SRRM4: variants seen among roughly 807,000 people sequenced by gnomAD.
SRRM4 encodes the protein serine/arginine repetitive matrix 4, also known as serine/arginine repetitive matrix protein 4.
In SRRM4, 33 loss-of-function variants were observed where a neutral mutation model predicts 68.9. The ratio of observed to expected loss-of-function variants is 0.48; its 90% CI spans 0.36 to 0.64. SRRM4 has a LOEUF of 0.64. SRRM4 is among the 30% of genes least tolerant of loss of function. The pLI is 0.00. For missense variants in SRRM4, 817 were observed against 827.1 expected, an observed-to-expected ratio of 0.99 and a Z score of 0.15; for synonymous variants, 318 against 318.8, an observed-to-expected ratio of 1.00 and a Z score of 0.03.
intron 6 of SRRM4, 63 bp downstream of exon 6, chr12:119,122,183 A>AG: frequency 6.9e-6 from 8 of 1,161,046 alleles, no homozygotes; most frequent in Non-Finnish European, 9.1e-6. Context: ...TGGCTTCTTA[A>AG]AAGCCAGAGT....
At chr12:119,124,905 T>C (rs926931479) in intron 6 of SRRM4, among the ~76,000 whole-genome samples, 1 of 152,088 alleles carries the variant, frequency 6.6e-6, no homozygotes, top group Non-Finnish European at 1.5e-5. Context: ...ACTTGAAAAA[T>C]TAGAGGATCA....
chr12:119,040,785 C>T (rs1268618807), intron 1 of SRRM4, among the ~76,000 whole-genome samples: 1 of 152,092 alleles, frequency 6.6e-6, no homozygotes, highest in Non-Finnish European at 1.5e-5. Context: ...CTCACTCACT[C>T]TGTTGCCCAG....
intron 2 of SRRM4, 48 bp from the exon 3 acceptor site, chr12:119,114,230 G>A (rs1252181833): frequency 6.5e-7 from 1 of 1,544,754 alleles, no homozygotes; most frequent in Admixed American, 1.7e-5. Flanking sequence ...TGGTTGGGGA[G>A]TTGGGGAACC....
chr12:119,115,164 C>T (rs1171518297), intron 3 of SRRM4, among the ~76,000 whole-genome samples: 13 of 152,056 alleles, frequency 8.5e-5, no homozygotes, highest in Admixed American at 8.5e-4. Context: ...GGCTTGACGC[C>T]AGGTTCTCAG....
chr12:119,035,041 T>C (rs141590626), intron 1 of SRRM4, among the ~76,000 whole-genome samples: 342 of 152,348 alleles, frequency 2.2e-3, no homozygotes, highest in Non-Finnish European at 4.1e-3. Context: ...CTATATGAAC[T>C]ATACAATCCT....
intron 1 of SRRM4, among the ~76,000 whole-genome samples, chr12:119,062,468 C>T (rs1053869306): frequency 6.6e-6 from 1 of 152,066 alleles, no homozygotes; most frequent in South Asian, 2.1e-4. Flanking sequence ...TTTATTTAAG[C>T]TTTTCATTAT....
At chr12:119,013,169 G>T (rs561281824) in intron 1 of SRRM4, among the ~76,000 whole-genome samples, 2 of 152,056 alleles carry the variant, frequency 1.3e-5, no homozygotes, top group African/African-American at 2.4e-5. Flanking sequence ...AAATTTTGGA[G>T]TCAATCAGGC....
At chr12:119,135,495 C>T (rs1002416655) in intron 8 of SRRM4, among the ~76,000 whole-genome samples, 1 of 152,138 alleles carries the variant, frequency 6.6e-6, no homozygotes, top group Admixed American at 6.5e-5. Context: ...CTGGAAGAGG[C>T]AATATGATTA....
intron 1 of SRRM4, among the ~76,000 whole-genome samples, chr12:118,996,108 G>T (rs762575759): frequency 9.9e-5 from 15 of 152,156 alleles, no homozygotes; most frequent in Non-Finnish European, 1.6e-4. Flanking sequence ...TTATGGTAAA[G>T]TGAGATTTAT....
chr12:118,997,811 G>A (rs1953358843), intron 1 of SRRM4, among the ~76,000 whole-genome samples: 1 of 151,974 alleles, frequency 6.6e-6, no homozygotes, highest in Admixed American at 6.5e-5. Context: ...TTTTGAGGTG[G>A]ATACTGTCAT....
chr12:119,060,616 C>T (rs1953805251), intron 1 of SRRM4, among the ~76,000 whole-genome samples: 1 of 151,848 alleles, frequency 6.6e-6, no homozygotes, highest in Admixed American at 6.6e-5. Flanking sequence ...ATTTCTTTCA[C>T]AAGACCCCCT....
At chr12:118,993,097 C>T (rs1433352431) in intron 1 of SRRM4, among the ~76,000 whole-genome samples, 1 of 152,086 alleles carries the variant, frequency 6.6e-6, no homozygotes, top group Non-Finnish European at 1.5e-5. Flanking sequence ...GTGTTATATC[C>T]ATTTTAAAGA....
chr12:119,037,895 G>A (rs1037630175), intron 1 of SRRM4, among the ~76,000 whole-genome samples: 1 of 152,206 alleles, frequency 6.6e-6, no homozygotes, highest in Non-Finnish European at 1.5e-5. Flanking sequence ...TTCCTCAACT[G>A]TAAAATGAGG....
intron 1 of SRRM4, among the ~76,000 whole-genome samples, chr12:119,081,999 G>A (rs1953951886): frequency 6.6e-6 from 1 of 152,220 alleles, no homozygotes; most frequent in Admixed American, 6.5e-5. Context: ...GCAAAGCCAT[G>A]ACAGAGCTTA....
chr12:119,058,932 G>C (rs1169479069), intron 1 of SRRM4, among the ~76,000 whole-genome samples: 1 of 152,132 alleles, frequency 6.6e-6, no homozygotes, highest in East Asian at 1.9e-4. Context: ...AGAGGTCTGT[G>C]ATCACCACCC....
At chr12:119,114,213 C>A (rs997137082) in intron 2 of SRRM4, 65 bp from the exon 3 acceptor site, 25 of 1,445,386 alleles carry the variant, frequency 1.7e-5, no homozygotes, top group Middle Eastern at 1.8e-4. Context: ...CCTGGCTGCA[C>A]CAGCTCTGGT....
chr12:119,100,675 G>T (rs750618042), intron 1 of SRRM4, among the ~76,000 whole-genome samples: 12 of 152,204 alleles, frequency 7.9e-5, no homozygotes, highest in Non-Finnish European at 1.5e-4. Context: ...AACAAATGCA[G>T]GTTACCCTAG....
intron 1 of SRRM4, among the ~76,000 whole-genome samples, chr12:119,081,342 T>C (rs1418493727): frequency 6.6e-6 from 1 of 152,140 alleles, no homozygotes; most frequent in Non-Finnish European, 1.5e-5. Flanking sequence ...AAGGTCATAT[T>C]TGAGCAAAGA....
chr12:119,132,212 G>T (rs908331648), intron 8 of SRRM4: 5 of 152,076 alleles, frequency 3.3e-5, no homozygotes, highest in African/African-American at 1.2e-4. Context: ...TCCAAAAAGG[G>T]GTCTTCCCAG....
Sources: allele counts gnomAD v4.1 joint callset (sites outside exome capture counted in the v4.1 genomes callset), GRCh38; gene constraint gnomAD v4.1.1; transcripts MANE v1.5; gene names NCBI Gene and HGNC (gene_info 2026-07-23, HGNC 2026-07-21).